The following ANK2 variants were observed in gnomAD, a reference collection of about 807,000 sequenced individuals.
The protein encoded by ANK2 is ankyrin-2.
Under a neutral mutation model 360.5 loss-of-function variants are expected in ANK2, and 83 were observed. The ratio of observed to expected loss-of-function variants is 0.23; its 90% CI spans 0.19 to 0.28. The LOEUF (loss-of-function observed/expected upper bound fraction) is 0.28, where lower values mean the gene tolerates loss of function less well. Ranked by LOEUF, ANK2 falls within the 10% of genes least tolerant of loss-of-function variation. The pLI, the probability that ANK2 is intolerant of heterozygous loss-of-function variation, is 1.00. For missense variants in ANK2, 4,201 were observed against 4,795.7 expected (o/e 0.88, Z 3.66); for synonymous variants, 1,740 against 1,759.5 (o/e 0.99, Z 0.28).
chr4:113,335,922 A>G lies in ANK2; in HGVS notation c.3456A>G (p.Ala1152=), dbSNP rs762106673. ...CCCGAGACTTCCCACAGTACTTTGC[A>G]GTGGTGTCTCGTATCAAACAGGACA... is the stretch of plus-strand genomic sequence containing the variant. The part of the protein sequence containing the change: ...IITRDFPQYF[A]VVSRIKQDSN... Residue 1152 remains alanine (A), a synonymous_variant, in exon 30 of 46, where the codon GCA becomes GCG. Coordinates refer to ENST00000357077, the MANE Select transcript of ANK2 (RefSeq NM_001148.6). The G allele has an allele frequency of 6.2e-7, 1 of 1,614,188 alleles. No homozygotes were observed. Among genetic ancestry groups the G allele is most frequent in the Non-Finnish European group, 8.5e-7 (1 of 1,180,032 alleles).
At chr4:112,798,665 A>G in the ANK2 span, 2 of 152,198 alleles carry the variant, frequency 1.3e-5, no homozygotes, top group African/African-American at 2.4e-5. Context: ...AACTTTGTGT[A>G]AAAGTAGAGT....
intron 1 of ANK2, among the ~76,000 whole-genome samples, chr4:113,082,783 T>A (rs2082927360): frequency 6.6e-6 from 1 of 152,196 alleles, no homozygotes. Context: ...CAAAGAAAAA[T>A]GCCTTCTAAA....
At chr4:112,893,831 C>A (rs2080910105) in intron 1 of ANK2, among the ~76,000 whole-genome samples, 2 of 152,200 alleles carry the variant, frequency 1.3e-5, no homozygotes, top group African/African-American at 2.4e-5. Flanking sequence ...TCTGTCTCTA[C>A]TAAAAACACA....
intron 2 of ANK2, among the ~76,000 whole-genome samples, chr4:112,904,816 A>T (rs1267182699): frequency 6.6e-6 from 1 of 152,172 alleles, no homozygotes; most frequent in Non-Finnish European, 1.5e-5. Context: ...TACAATAGAC[A>T]TAATAAACAC....
In ANK2 at chr4:113,311,043, C is replaced by T. The variant is rs575986171; in HGVS notation, c.2549-212C>T. 1.1e-4 allele frequency among the ~76,000 whole-genome samples: 16 copies of T among 152,284 alleles called. No individual in the cohort carries two copies. In the South Asian group the frequency reaches 3.3e-3, roughly 32 times the overall value. ...AGAATTAAAATTCAAGTGATTACTTCTTCTTGGTAAGTACTAAGAAAATGA... is the reference window on the plus strand; with the variant it reads ...AGAATTAAAATTCAAGTGATTACTTTTTCTTGGTAAGTACTAAGAAAATGA... On this transcript the variant is annotated intron_variant, in intron 23 of 45. Transcript: ENST00000357077.
chr4:112,961,070 T>C (rs2154260566), intron 2 of ANK2, among the ~76,000 whole-genome samples: 1 of 152,120 alleles, frequency 6.6e-6, no homozygotes, highest in South Asian at 2.1e-4. Flanking sequence ...GTTTTTTTTT[T>C]TTTTGAAACT....
the ANK2 span, among the ~76,000 whole-genome samples, chr4:112,756,208 A>T: frequency 6.8e-6 from 1 of 146,778 alleles, no homozygotes; most frequent in Non-Finnish European, 1.5e-5. Flanking sequence ...ACTGCACTTC[A>T]GCCTGGGTGA....
intron 2 of ANK2, among the ~76,000 whole-genome samples, chr4:112,939,459 G>A (rs900974062): frequency 1.3e-5 from 2 of 148,722 alleles, no homozygotes; most frequent in Non-Finnish European, 1.5e-5. Context: ...ACAGGCGTGT[G>A]CCACCATGCC....
chr4:113,379,790 C>T (rs963982246), intron 45 of ANK2, among the ~76,000 whole-genome samples: 1 of 151,760 alleles, frequency 6.6e-6, no homozygotes, highest in Admixed American at 6.6e-5. Flanking sequence ...ACAAGGATGT[C>T]CAAAAAAAAG....
At chr4:113,025,245 G>A (rs1056294154) in intron 2 of ANK2, among the ~76,000 whole-genome samples, 15 of 152,122 alleles carry the variant, frequency 9.9e-5, no homozygotes, top group Admixed American at 7.2e-4. Flanking sequence ...TTTTTAACAA[G>A]GTAACATGTA....
intron 2 of ANK2, among the ~76,000 whole-genome samples, chr4:112,912,667 A>G (rs1213816929): frequency 6.6e-6 from 1 of 152,110 alleles, no homozygotes; most frequent in African/African-American, 2.4e-5. Context: ...TGAGCAGCCT[A>G]ATTTATTTTG....
chr4:112,946,946 C>T (rs1167499104), intron 2 of ANK2, among the ~76,000 whole-genome samples: 1 of 152,194 alleles, frequency 6.6e-6, no homozygotes, highest in East Asian at 1.9e-4. Flanking sequence ...AGAATAACAG[C>T]TTTTCTTAAG....
chr4:112,907,836 C>T (rs1309670854), intron 2 of ANK2, among the ~76,000 whole-genome samples: 1 of 152,144 alleles, frequency 6.6e-6, no homozygotes, highest in Non-Finnish European at 1.5e-5. Context: ...CCAAGCCCTT[C>T]TTTTAATTAA....
chr4:113,155,001 G>A (rs998199088), intron 1 of ANK2, among the ~76,000 whole-genome samples: 3 of 152,150 alleles, frequency 2.0e-5, no homozygotes, highest in Non-Finnish European at 4.4e-5. Flanking sequence ...TAACTTAGAG[G>A]TGGAAAACAA....
At chr4:113,092,718 C>A (rs666988) in intron 1 of ANK2, among the ~76,000 whole-genome samples, 152,016 of 152,306 alleles carry the variant, frequency 1, 75,865 homozygotes, top group Middle Eastern at 1. Flanking sequence ...TACCTACCTC[C>A]TATTATTATA....
chr4:112,916,741 G>C (rs1348820320), intron 2 of ANK2, among the ~76,000 whole-genome samples: 1 of 152,156 alleles, frequency 6.6e-6, no homozygotes, highest in Non-Finnish European at 1.5e-5. Context: ...ACATTTGTCA[G>C]ATAAATGAAT....
the ANK2 span, among the ~76,000 whole-genome samples, chr4:112,776,257 T>C: frequency 7.9e-5 from 12 of 152,272 alleles, no homozygotes; most frequent in East Asian, 1.7e-3. Flanking sequence ...AATATAAGCT[T>C]TACATGACAT....
At chr4:112,954,222 C>T (rs1259651474) in intron 2 of ANK2, among the ~76,000 whole-genome samples, 1 of 141,542 alleles carries the variant, frequency 7.1e-6, no homozygotes, top group Non-Finnish European at 1.5e-5. Context: ...CCCATCCCTC[C>T]CTCCCTCCCT....
Position 113,335,959 on chromosome 4 carries a change from G to A in ANK2, c.3493G>A (p.Gly1165Ser), listed in dbSNP as rs2153958567. 1 of 1,614,122 alleles carries A rather than the reference G, an allele frequency of 6.2e-7. No homozygotes were observed. The highest frequency in any genetic ancestry group is 8.5e-7 in the Non-Finnish European group (1 of 1,180,024). ...SRIKQDSNLI[G>S]PEGGVLSSTV... ...TATCAAACAGGACAGCAATCTGATTGGCCCAGAAGGAGGTGTACTGAGCAG... is the reference window on the plus strand; with the variant it reads ...TATCAAACAGGACAGCAATCTGATTAGCCCAGAAGGAGGTGTACTGAGCAG... Residue 1165 changes from glycine (G) to serine (S), a missense_variant, in exon 30 of 46, where the codon GGC (glycine) becomes AGC (serine). Around this residue, in one of 4 missense-constraint regions of ANK2, gnomAD observed 1,268 missense variants for 1,650.8 expected, o/e 0.77. Coordinates refer to ENST00000357077, the MANE Select transcript of ANK2 (RefSeq NM_001148.6).
Sources: allele counts gnomAD v4.1 joint callset (sites outside exome capture counted in the v4.1 genomes callset), GRCh38; gene constraint gnomAD v4.1.1; regional missense constraint gnomAD v4.1.1; transcripts MANE v1.5; gene names NCBI Gene and HGNC (gene_info 2026-07-23, HGNC 2026-07-21).